GOLM1: variants seen among roughly 807,000 people sequenced by gnomAD.
GOLM1 encodes epididymis luminal protein 46.
Under a neutral mutation model 50.5 loss-of-function variants are expected in GOLM1, and 31 were observed. That is an observed-to-expected ratio of 0.61 (90% confidence interval 0.46 to 0.83). The LOEUF (loss-of-function observed/expected upper bound fraction) is 0.83, where lower values mean the gene tolerates loss of function less well. GOLM1 is among the 40% of genes least tolerant of loss of function. The probability of loss-of-function intolerance (pLI) is 0.00; values close to 1 mark genes in which losing one functional copy is unlikely to be tolerated. For missense variants in GOLM1, 491 were observed against 501.3 expected (o/e 0.98, Z 0.20); for synonymous variants, 178 against 192.8 (o/e 0.92, Z 0.64).
chr9:86,088,420 G>GTGTATATATATATA (rs1157260470), intron 1 of GOLM1, among the ~76,000 whole-genome samples: 20 of 86,298 alleles, frequency 2.3e-4, no homozygotes, highest in African/African-American at 8.6e-4. Flanking sequence ...TTTGAAGGGT[G>GTGTATATATATATA]TATATATATA....
chr9:86,048,718 G>C (rs1431583061), intron 4 of GOLM1, among the ~76,000 whole-genome samples: 2 of 152,036 alleles, frequency 1.3e-5, no homozygotes, highest in African/African-American at 4.8e-5. Context: ...TTTTTGATGG[G>C]GTTGTTTGAT....
chr9:86,094,831 C>T (rs1003368971), intron 1 of GOLM1, among the ~76,000 whole-genome samples: 20 of 152,248 alleles, frequency 1.3e-4, no homozygotes, highest in Non-Finnish European at 2.6e-4. Flanking sequence ...TGCCTGTAAT[C>T]CCAGCACTTT....
chr9:86,068,613 C>T (rs946708114), intron 3 of GOLM1, among the ~76,000 whole-genome samples: 1 of 152,262 alleles, frequency 6.6e-6, no homozygotes, highest in African/African-American at 2.4e-5. Context: ...CCTCAGCCTT[C>T]AAGGCACCCC....
At chr9:86,035,126 G>C in intron 8 of GOLM1, 1 of 985,296 alleles carries the variant, frequency 1.0e-6, no homozygotes, top group Non-Finnish European at 1.2e-6. Flanking sequence ...CACTTGCAAG[G>C]TCCCCTCGAC....
chr9:86,082,998 G>C (rs1834832744), intron 1 of GOLM1, among the ~76,000 whole-genome samples: 2 of 152,180 alleles, frequency 1.3e-5, no homozygotes, highest in Non-Finnish European at 2.9e-5. Flanking sequence ...TCTTTTCAAA[G>C]GGCTGAATAG....
At chr9:86,083,153 C>G (rs1834836806) in intron 1 of GOLM1, among the ~76,000 whole-genome samples, 1 of 152,144 alleles carries the variant, frequency 6.6e-6, no homozygotes, top group Non-Finnish European at 1.5e-5. Flanking sequence ...TCCAGGACCC[C>G]CTGAGGACAC....
chr9:86,060,876 C>CA (rs753183065), intron 3 of GOLM1, among the ~76,000 whole-genome samples: 788 of 19,892 alleles, frequency 0.04, 258 homozygotes, highest in Non-Finnish European at 0.082. Context: ...GAAACTCTCT[C>CA]AAAAAAAAAA....
chr9:86,048,066 C>A (rs1371314909), intron 4 of GOLM1, among the ~76,000 whole-genome samples: 1 of 131,452 alleles, frequency 7.6e-6, no homozygotes, highest in African/African-American at 2.8e-5. Flanking sequence ...ATGTTCCTTG[C>A]CCTGTGTCCA....
chr9:86,041,391 A>AGGAGT (rs1386935710), intron 5 of GOLM1, among the ~76,000 whole-genome samples: 1 of 152,168 alleles, frequency 6.6e-6, no homozygotes, highest in Non-Finnish European at 1.5e-5. Context: ...CAGGGAAGGG[A>AGGAGT]GGAGTGGAGA....
chr9:86,061,014 T>C (rs1464091756), intron 3 of GOLM1, among the ~76,000 whole-genome samples: 4 of 151,276 alleles, frequency 2.6e-5, no homozygotes, highest in Non-Finnish European at 4.4e-5. Flanking sequence ...CATGGTATTG[T>C]GGCTATGAGA....
In GOLM1 at chr9:86,027,871, T is replaced by TTTCTGATCTTCAACATTA; in HGVS notation, c.1134_1151dup (p.Gln383_Lys384insAsnAsnValGluAspGln). 1 of 1,605,994 alleles carries TTTCTGATCTTCAACATTA rather than the reference T, an allele frequency of 6.2e-7. No homozygotes were observed. The highest frequency in any genetic ancestry group is 8.5e-7 in the Non-Finnish European group (1 of 1,172,738). On this transcript the variant is annotated inframe_insertion, in exon 10 of 10. Coordinates refer to ENST00000388712, the MANE Select transcript of GOLM1 (RefSeq NM_016548.4). ...GATCAAGTAAATTTATGGTGTCTCT[T>TTTCTGATCTTCAACATTA]TTCTGATCTTCAACATTAAAAACTA...
rs565301181 is a variant in GOLM1, at chr9:86,031,564, C to T, written c.1129+1718G>A. Reference sequence around the variant, plus strand: ...GCAACCTCTGCCTCCCGAGTTCACGCGATTCTCCTGTCTCAGCCTCCCAAG... The same window carrying T: ...GCAACCTCTGCCTCCCGAGTTCACGTGATTCTCCTGTCTCAGCCTCCCAAG... On this transcript the variant is annotated intron_variant, in intron 9 of 9. Transcript: ENST00000388712. Among the ~76,000 whole-genome samples, 1,195 of 149,780 alleles carry T rather than the reference C, an allele frequency of 8.0e-3. 12 individuals carry two copies. The highest frequency in any genetic ancestry group is 0.013 in the Non-Finnish European group (846 of 67,628).
chr9:86,093,974 C>T (rs528581896), intron 1 of GOLM1, among the ~76,000 whole-genome samples: 1 of 152,348 alleles, frequency 6.6e-6, no homozygotes, highest in African/African-American at 2.4e-5. Flanking sequence ...ATGGCCCCAG[C>T]GGCTCAGCAG....
chr9:86,089,722 G>A (rs1317427521), intron 1 of GOLM1, among the ~76,000 whole-genome samples: 2 of 152,002 alleles, frequency 1.3e-5, no homozygotes, highest in Non-Finnish European at 2.9e-5. Context: ...TAGCTCGGAG[G>A]AGTTTATTAC....
At chr9:86,056,178 G>T (rs1833980649) in intron 3 of GOLM1, among the ~76,000 whole-genome samples, 1 of 152,020 alleles carries the variant, frequency 6.6e-6, no homozygotes, top group South Asian at 2.1e-4. Context: ...CTATCTGAGG[G>T]TTCAGATACT....
At chr9:86,080,359 T>G (rs536949931) in intron 1 of GOLM1, among the ~76,000 whole-genome samples, 1 of 152,270 alleles carries the variant, frequency 6.6e-6, no homozygotes, top group East Asian at 1.9e-4. Flanking sequence ...AAATGGCTTT[T>G]CCCAAGCCAG....
Position 86,036,332 on chromosome 9 carries a change from G to T in GOLM1, c.757+16C>A. The T allele has an allele frequency of 6.2e-7, 1 of 1,613,876 alleles. No homozygotes were observed. Among genetic ancestry groups the T allele is most frequent in the Non-Finnish European group, 8.5e-7 (1 of 1,179,706 alleles). On this transcript the variant is annotated intron_variant, in intron 7 of 9. Transcript: ENST00000388712. ...CTGGAGAGCTGGGAACAGGGCAACTGCTGGGCTCTGCTTACCTTTCTCAAC... is the reference window on the plus strand; with the variant it reads ...CTGGAGAGCTGGGAACAGGGCAACTTCTGGGCTCTGCTTACCTTTCTCAAC...
intron 3 of GOLM1, among the ~76,000 whole-genome samples, chr9:86,052,987 C>CGACACACCAAACCACACCAT (rs1554784013): frequency 3.0e-4 from 12 of 39,966 alleles, no homozygotes; most frequent in Admixed American, 4.7e-4. Flanking sequence ...AACCACACCA[C>CGACACACCAAACCACACCAT]GACACACCAA....
chr9:86,052,663 C>T, intron 3 of GOLM1, 72 bp from the exon 4 acceptor site: 1 of 1,318,226 alleles, frequency 7.6e-7, no homozygotes, highest in South Asian at 1.2e-5. Flanking sequence ...GTGATACAAA[C>T]CAATGATGGG....
Sources: allele counts gnomAD v4.1 joint callset (sites outside exome capture counted in the v4.1 genomes callset), GRCh38; gene constraint gnomAD v4.1.1; transcripts MANE v1.5; gene names NCBI Gene and HGNC (gene_info 2026-07-23, HGNC 2026-07-21).